The following ABHD2 variants were observed in gnomAD, a reference collection of about 807,000 sequenced individuals.
The protein encoded by ABHD2 is abhydrolase domain containing 2, acylglycerol lipase, also known as monoacylglycerol lipase ABHD2.
Under a neutral mutation model 48.1 loss-of-function variants are expected in ABHD2, and 20 were observed. The ratio of observed to expected loss-of-function variants is 0.42; its 90% CI spans 0.29 to 0.60. The LOEUF is 0.60. Ranked by LOEUF, ABHD2 falls within the 20% of genes least tolerant of loss-of-function variation. ABHD2 has a pLI of 0.24. For synonymous variants in ABHD2, 209 were observed against 214.2 expected, an observed-to-expected ratio of 0.98 and a Z score of 0.21; for missense variants, 405 against 550.9, an observed-to-expected ratio of 0.74 and a Z score of 2.65.
At chr15:89,042,677 T>G in the ABHD2 span, among the ~76,000 whole-genome samples, 1 of 151,528 alleles carries the variant, frequency 6.6e-6, no homozygotes, top group African/African-American at 2.4e-5. Flanking sequence ...GACAGAGTCT[T>G]GCTCTGTCGC....
intron 3 of ABHD2, among the ~76,000 whole-genome samples, chr15:89,124,594 C>CT (rs1193709859): frequency 6.6e-6 from 1 of 152,214 alleles, no homozygotes; most frequent in Non-Finnish European, 1.5e-5. Context: ...AAGCTTTGTC[C>CT]TTTTCACAGG....
chr15:89,183,509 C>G (rs1311437912), intron 6 of ABHD2: 3 of 149,254 alleles, frequency 2.0e-5, no homozygotes, highest in African/African-American at 7.4e-5. Flanking sequence ...AGGTAAAAGA[C>G]ATCCCCTACA....
chr15:89,122,035 G>A (rs2050060125), intron 3 of ABHD2, among the ~76,000 whole-genome samples: 1 of 152,052 alleles, frequency 6.6e-6, no homozygotes, highest in African/African-American at 2.4e-5. Flanking sequence ...CCATTATGTT[G>A]CCCAGTCTGG....
intron 3 of ABHD2, among the ~76,000 whole-genome samples, chr15:89,142,031 A>G (rs946666328): frequency 1.3e-5 from 2 of 152,234 alleles, no homozygotes; most frequent in Non-Finnish European, 2.9e-5. Context: ...AGTCTCTAGA[A>G]TGAAAGCATC....
the ABHD2 span, among the ~76,000 whole-genome samples, chr15:89,079,564 T>A: frequency 6.6e-6 from 1 of 152,234 alleles, no homozygotes; most frequent in Non-Finnish European, 1.5e-5. The surrounding 1 kb of genome is among the most constrained non-coding windows in gnomAD (Gnocchi z 4.3). Context: ...CCATGACTTC[T>A]GAATGGCAGC....
chr15:89,095,005 G>A (rs905103854), intron 1 of ABHD2, among the ~76,000 whole-genome samples: 9 of 149,838 alleles, frequency 6.0e-5, no homozygotes, highest in African/African-American at 1.5e-4. Flanking sequence ...CAGAGGTTCC[G>A]GTGAGCCAAG....
At chr15:89,056,053 A>G in the ABHD2 span, among the ~76,000 whole-genome samples, 7 of 152,072 alleles carry the variant, frequency 4.6e-5, no homozygotes, top group Admixed American at 3.3e-4. Context: ...GAGTCTGCCT[A>G]TGTTGCACAG....
At chr15:89,081,798 C>A in the ABHD2 span, among the ~76,000 whole-genome samples, 1 of 152,046 alleles carries the variant, frequency 6.6e-6, no homozygotes, top group Non-Finnish European at 1.5e-5. Flanking sequence ...TTGCAGTGAG[C>A]CAAGGTCGTG....
intron 3 of ABHD2, among the ~76,000 whole-genome samples, chr15:89,141,590 G>A (rs778747915): frequency 7.9e-5 from 12 of 152,122 alleles, no homozygotes; most frequent in African/African-American, 2.9e-4. Flanking sequence ...CAGAGATCAC[G>A]CCACTGCACT....
chr15:89,179,381 C>T lies in ABHD2; in HGVS notation c.722+3386C>T, dbSNP rs919366373. 1.3e-5 allele frequency among the ~76,000 whole-genome samples: 2 copies of T among 152,210 alleles called. No individual in the cohort carries two copies. Among genetic ancestry groups the T allele is most frequent in the Non-Finnish European group, 2.9e-5 (2 of 68,036 alleles). ...CACATTACTGCCTGAGTTCCGCCTC[C>T]TGTCAGATCAGCAGTGACATTAGAT... On this transcript the variant is annotated intron_variant, in intron 6 of 10. Transcript: ENST00000352732. This position sits in a 1 kb window ranked among gnomAD's most constrained non-coding sequence, Gnocchi z 4.3.
At chr15:89,052,545 AGACAGACAGAC>A in the ABHD2 span, among the ~76,000 whole-genome samples, 1 of 134,388 alleles carries the variant, frequency 7.4e-6, no homozygotes, top group Admixed American at 7.2e-5. Flanking sequence ...ACAGACAGAC[AGACAGACAGAC>A]AGACACACAC....
At chr15:89,044,417 C>T in the ABHD2 span, among the ~76,000 whole-genome samples, 38 of 152,084 alleles carry the variant, frequency 2.5e-4, no homozygotes, top group African/African-American at 8.9e-4. Flanking sequence ...GGGTATATAC[C>T]CAGTAATGGG....
chr15:89,068,783 T>TTTTTTTTTTTA, the ABHD2 span, among the ~76,000 whole-genome samples: 1 of 91,818 alleles, frequency 1.1e-5, no homozygotes. Flanking sequence ...TTTTTTTTTT[T>TTTTTTTTTTTA]GTCAAGAGGG....
At chr15:89,148,767 T>C (rs978989197) in intron 3 of ABHD2, among the ~76,000 whole-genome samples, 1 of 152,224 alleles carries the variant, frequency 6.6e-6, no homozygotes, top group Non-Finnish European at 1.5e-5. Context: ...AAGAATGGAA[T>C]AAGTGGAATT....
At chr15:89,190,424 CAG>C (rs1167029270) in intron 8 of ABHD2, among the ~76,000 whole-genome samples, 2 of 152,122 alleles carry the variant, frequency 1.3e-5, no homozygotes, top group Non-Finnish European at 2.9e-5. Flanking sequence ...GATAAAGGGA[CAG>C]AATTGGTAAC....
At chr15:89,068,451 T>A in the ABHD2 span, among the ~76,000 whole-genome samples, 1 of 151,830 alleles carries the variant, frequency 6.6e-6, no homozygotes, top group African/African-American at 2.4e-5. Context: ...GGGGCTAGAG[T>A]CATCCGGAGG....
chr15:89,131,535 T>C (rs1388823764), intron 3 of ABHD2, among the ~76,000 whole-genome samples: 1 of 152,084 alleles, frequency 6.6e-6, no homozygotes, highest in East Asian at 1.9e-4. Context: ...CAGTGGTGTG[T>C]CCAAGAAAAA....
At chr15:89,160,600 C>T (rs1232147136) in intron 5 of ABHD2, among the ~76,000 whole-genome samples, 1 of 151,712 alleles carries the variant, frequency 6.6e-6, no homozygotes, top group Non-Finnish European at 1.5e-5. Flanking sequence ...GTGGAAACAA[C>T]TTGGATCTCA....
chr15:89,170,582 G>A (rs2050909471), intron 5 of ABHD2, among the ~76,000 whole-genome samples: 1 of 152,214 alleles, frequency 6.6e-6, no homozygotes, highest in East Asian at 1.9e-4. Flanking sequence ...TAGACCAAAG[G>A]TTTGTACTTT....
Sources: allele counts gnomAD v4.1 joint callset (sites outside exome capture counted in the v4.1 genomes callset), GRCh38; gene constraint gnomAD v4.1.1; non-coding constraint Gnocchi (gnomAD v3.1); transcripts MANE v1.5; gene names NCBI Gene and HGNC (gene_info 2026-07-23, HGNC 2026-07-21).